HMG20A: variants seen among roughly 807,000 people sequenced by gnomAD.
HMG20A encodes high mobility group protein 20A.
Under a neutral mutation model 43.9 loss-of-function variants are expected in HMG20A, and 17 were observed. The ratio of observed to expected loss-of-function variants is 0.39; its 90% confidence interval spans 0.27 to 0.58. The LOEUF (loss-of-function observed/expected upper bound fraction) is 0.58, where lower values mean the gene tolerates loss of function less well. Ranked by LOEUF, HMG20A falls within the 20% of genes least tolerant of loss-of-function variation. The probability of loss-of-function intolerance (pLI) is 0.59; values close to 1 mark genes in which losing one functional copy is unlikely to be tolerated. For synonymous variants in HMG20A, 132 were observed against 147.5 expected (o/e 0.89, Z 0.76); for missense variants, 341 against 438.2 (o/e 0.78, Z 1.98).
chr15:77,431,645 GT>G (rs571454833), intron 1 of HMG20A, among the ~76,000 whole-genome samples: 395 of 152,262 alleles, frequency 2.6e-3, no homozygotes, highest in African/African-American at 9.2e-3. Flanking sequence ...CACAATTTAT[GT>G]GGTAAAAACA....
chr15:77,428,981 G>C (rs975874784), intron 1 of HMG20A, among the ~76,000 whole-genome samples: 2 of 151,420 alleles, frequency 1.3e-5, no homozygotes, highest in South Asian at 2.1e-4. Context: ...AAAAAAAGGA[G>C]GGGGGAGCCT....
chr15:77,424,858 T>C (rs1405286241), intron 1 of HMG20A, among the ~76,000 whole-genome samples: 1 of 152,074 alleles, frequency 6.6e-6, no homozygotes, highest in African/African-American at 2.4e-5. Flanking sequence ...TTCAACTCAT[T>C]CTCCTAAACT....
At chr15:77,491,156 T>A in the HMG20A span, among the ~76,000 whole-genome samples, 3 of 152,174 alleles carry the variant, frequency 2.0e-5, no homozygotes, top group Non-Finnish European at 4.4e-5. Context: ...GGGCAAGAAA[T>A]GGAAAGCGTC....
intron 1 of HMG20A, among the ~76,000 whole-genome samples, chr15:77,441,504 G>A (rs955273494): frequency 1.3e-5 from 2 of 151,992 alleles, no homozygotes; most frequent in Admixed American, 6.6e-5. Context: ...AGTTGATTTT[G>A]TTCTTCATGA....
rs897596969 is a variant in HMG20A at position 77,431,753 on chromosome 15, C to T, written c.-5+10749C>T. 2.0e-4 allele frequency among the ~76,000 whole-genome samples: 30 copies of T among 152,178 alleles called. 1 individual carries two copies. Among genetic ancestry groups the T allele is most frequent in the African/African-American group, 7.2e-4 (30 of 41,438 alleles). ...CAATAGATATCTCAAACTTATTCCT[C>T]CTATCAAACTGAAATTTTGTGTCCT... On this transcript the variant is annotated intron_variant, in intron 1 of 9. Coordinates refer to ENST00000336216, the MANE Select transcript of HMG20A (RefSeq NM_001304504.2).
chr15:77,497,156 C>A, the HMG20A span, among the ~76,000 whole-genome samples: 1 of 152,222 alleles, frequency 6.6e-6, no homozygotes, highest in East Asian at 1.9e-4. Context: ...GGCTGGATTC[C>A]CTCCTTCTAG....
the HMG20A span, among the ~76,000 whole-genome samples, chr15:77,495,838 C>A: frequency 8.7e-4 from 133 of 152,298 alleles, no homozygotes; most frequent in Admixed American, 1.5e-3. Context: ...GTTGTGTCCG[C>A]CCCTACTTTG....
In HMG20A at chr15:77,467,318, C is replaced by T. The variant is rs1365082702; in HGVS notation, c.450+11C>T. On this transcript the variant is annotated intron_variant, in intron 4 of 9. Transcript: ENST00000336216. ...CCTGAGGAAAAACAGGTAATTGTTC[C>T]TATTCCTGACTCTTTGTTTGGTTTT... 5.0e-6 allele frequency: 8 copies of T among 1,584,564 alleles called. No individual in the cohort carries two copies. Among genetic ancestry groups the T allele is most frequent in the Non-Finnish European group, 6.9e-6 (8 of 1,153,384 alleles).
intron 1 of HMG20A, among the ~76,000 whole-genome samples, chr15:77,454,318 C>G (rs2072634987): frequency 6.6e-6 from 1 of 152,004 alleles, no homozygotes; most frequent in Non-Finnish European, 1.5e-5. Flanking sequence ...GTTGCACAAC[C>G]TTGTAAATAT....
intron 1 of HMG20A, among the ~76,000 whole-genome samples, chr15:77,433,963 T>G (rs2073517441): frequency 6.6e-6 from 1 of 152,240 alleles, no homozygotes; most frequent in African/African-American, 2.4e-5. Context: ...AACAAAGTTG[T>G]AAGACTTTAT....
chr15:77,467,360 T>C, intron 4 of HMG20A, 53 bp downstream of exon 4: 2 of 1,443,482 alleles, frequency 1.4e-6, no homozygotes, highest in Non-Finnish European at 1.9e-6. Context: ...ATCTCAGAAA[T>C]AACTTATATA....
At chr15:77,444,808 ATTT>A (rs1365660128) in intron 1 of HMG20A, among the ~76,000 whole-genome samples, 1 of 152,178 alleles carries the variant, frequency 6.6e-6, no homozygotes, top group Non-Finnish European at 1.5e-5. Context: ...GAGTTTTTCA[ATTT>A]ATTTCTGTTT....
At chr15:77,436,613 C>T (rs2073551799) in intron 1 of HMG20A, among the ~76,000 whole-genome samples, 1 of 151,890 alleles carries the variant, frequency 6.6e-6, no homozygotes, top group African/African-American at 2.4e-5. Flanking sequence ...TGTGCACCAC[C>T]ATGCCCAGCT....
At chr15:77,474,109 A>G (rs1046399517) in intron 6 of HMG20A, among the ~76,000 whole-genome samples, 3 of 152,190 alleles carry the variant, frequency 2.0e-5, no homozygotes, top group Non-Finnish European at 4.4e-5. Context: ...AAATAGCACT[A>G]TGGGTGAAAA....
At chr15:77,461,224 G>A (rs535647052) in intron 2 of HMG20A, among the ~76,000 whole-genome samples, 1 of 152,186 alleles carries the variant, frequency 6.6e-6, no homozygotes, top group Non-Finnish European at 1.5e-5. Flanking sequence ...TGGTGGCTTT[G>A]ACAAGAGTTA....
At chr15:77,512,778 A>T in the HMG20A span, among the ~76,000 whole-genome samples, 1 of 152,018 alleles carries the variant, frequency 6.6e-6, no homozygotes. Flanking sequence ...TAAAATATTA[A>T]TTAATTAATT....
Position 77,479,954 on chromosome 15 carries a change from A to T in HMG20A, c.*6+633A>T, listed in dbSNP as rs76268312. Among the ~76,000 whole-genome samples, 526 of 152,242 alleles carry T rather than the reference A, an allele frequency of 3.5e-3. 3 individuals carry two copies. Among genetic ancestry groups the T allele is most frequent in the African/African-American group, 0.012 (498 of 41,522 alleles). ...TGTTGTCTGTTAAATGTTGATGTGG[A>T]CTCACCATACAAACAGGTAACTCCC... On this transcript the variant is annotated intron_variant, in intron 9 of 9. Transcript: ENST00000336216.
chr15:77,460,706 C>T (rs1055445856), intron 2 of HMG20A, among the ~76,000 whole-genome samples: 1 of 152,042 alleles, frequency 6.6e-6, no homozygotes, highest in Non-Finnish European at 1.5e-5. Context: ...AGACAGAGGC[C>T]GGGTGCAGTG....
At chr15:77,446,861 C>T (rs991032177) in intron 1 of HMG20A, among the ~76,000 whole-genome samples, 6 of 150,886 alleles carry the variant, frequency 4.0e-5, no homozygotes, top group African/African-American at 1.2e-4. Context: ...AGAACATTAA[C>T]TTTTTGTGCT....
Sources: gnomAD v4.1 joint callset for allele counts (sites outside exome capture counted in the v4.1 genomes callset) on GRCh38, gnomAD v4.1.1 for gene constraint, MANE v1.5 for transcripts, NCBI Gene and HGNC (gene_info 2026-07-23, HGNC 2026-07-21) for gene names.